Variants in TAB2 observed in about 807,000 individuals in gnomAD.
TAB2 encodes the protein TGF-beta activated kinase 1 (MAP3K7) binding protein 2, also known as TGF-beta-activated kinase 1 and MAP3K7-binding protein 2.
A neutral mutation model predicts 65.0 loss-of-function variants in TAB2; 3 were observed. That is an observed-to-expected ratio of 0.05 (90% CI 0.02 to 0.12). The LOEUF (loss-of-function observed/expected upper bound fraction) is 0.12, where lower values mean the gene tolerates loss of function less well. Ranked by LOEUF, TAB2 falls within the 10% of genes least tolerant of loss-of-function variation. The probability of loss-of-function intolerance (pLI) is 1.00; values close to 1 mark genes in which losing one functional copy is unlikely to be tolerated. For missense variants in TAB2, 623 were observed against 840.3 expected (o/e 0.74, Z 3.20); for synonymous variants, 298 against 285.1 (o/e 1.05, Z -0.46).
At position 149,325,690 on chromosome 6, in the gene TAB2, A is replaced by G. The variant is rs1007374701; in HGVS notation, c.-90+7675A>G. Among the ~76,000 whole-genome samples the G allele has an allele frequency of 1.6e-4, 25 of 152,216 alleles. 1 individual carries two copies. The highest frequency in any genetic ancestry group is 6.0e-4 in the African/African-American group (25 of 41,454). ...CCTCAAATATGAGGTTTAATATAAT[A>G]CTACAAAACTTGTGCCACTTTATCT... On this transcript the variant is annotated intron_variant, in intron 1 of 6. Transcript: ENST00000637181.
chr6:149,221,810 G>C (rs1777155302), intron 1 of TAB2, among the ~76,000 whole-genome samples: 1 of 152,170 alleles, frequency 6.6e-6, no homozygotes, highest in South Asian at 2.1e-4. Flanking sequence ...CTGAGCCCAG[G>C]TCTGATGTTG....
intron 6 of TAB2, among the ~76,000 whole-genome samples, chr6:149,405,125 A>G (rs1311926540): frequency 1.3e-5 from 2 of 152,256 alleles, no homozygotes; most frequent in Non-Finnish European, 2.9e-5. Flanking sequence ...ACATTTCTCA[A>G]AAGAAAGTAT....
At chr6:149,364,018 A>G (rs1246191689) in intron 1 of TAB2, among the ~76,000 whole-genome samples, 2 of 152,064 alleles carry the variant, frequency 1.3e-5, no homozygotes, top group Non-Finnish European at 2.9e-5. Flanking sequence ...CTAATTCATC[A>G]CCAAATTTCT....
At chr6:149,352,968 C>T (rs1348935155) in intron 1 of TAB2, among the ~76,000 whole-genome samples, 1 of 152,160 alleles carries the variant, frequency 6.6e-6, no homozygotes, top group African/African-American at 2.4e-5. Flanking sequence ...GGTTTTGGCA[C>T]CTTTTTTCCC....
intron 1 of TAB2, among the ~76,000 whole-genome samples, chr6:149,341,904 A>C (rs1780141881): frequency 3.9e-5 from 6 of 152,244 alleles, no homozygotes; most frequent in Admixed American, 3.9e-4. Flanking sequence ...GTACCAGCCT[A>C]CCAAGCATAA....
chr6:149,340,097 C>T (rs1583103125), intron 1 of TAB2, among the ~76,000 whole-genome samples: 1 of 152,104 alleles, frequency 6.6e-6, no homozygotes, highest in Non-Finnish European at 1.5e-5. Flanking sequence ...CTCCTTTCAA[C>T]ATCAAATCTA....
chr6:149,332,750 A>G (rs924257585), intron 1 of TAB2, among the ~76,000 whole-genome samples: 3 of 152,194 alleles, frequency 2.0e-5, no homozygotes, highest in African/African-American at 7.2e-5. Flanking sequence ...GGAATGTAAA[A>G]TAGCTGGCAA....
chr6:149,316,978 G>C (rs1264884654), upstream of TAB2, among the ~76,000 whole-genome samples: 2 of 151,330 alleles, frequency 1.3e-5, no homozygotes, highest in Admixed American at 1.3e-4. Flanking sequence ...GGACCGCAGC[G>C]ACCCGGCGCC....
At chr6:149,253,145 A>G (rs966657712) in intron 1 of TAB2, 4 of 152,288 alleles carry the variant, frequency 2.6e-5, no homozygotes, top group African/African-American at 7.2e-5. Flanking sequence ...TAATCCTGGT[A>G]ATCCTGTTCC....
chr6:149,317,550 G>A (rs1779290218), upstream of TAB2: 2 of 153,356 alleles, frequency 1.3e-5, no homozygotes, highest in African/African-American at 4.9e-5. The surrounding 1 kb of genome is among the most constrained non-coding windows in gnomAD (Gnocchi z 4.7). Flanking sequence ...TTGTGTGACA[G>A]TATTTTGATT....
At chr6:149,357,466 C>CAT (rs1474632048) in intron 1 of TAB2, among the ~76,000 whole-genome samples, 3 of 148,206 alleles carry the variant, frequency 2.0e-5, no homozygotes, top group Non-Finnish European at 4.5e-5. Context: ...CACACACACA[C>CAT]ATTTTAGCCT....
chr6:149,403,283 TACACACACAC>T (rs1165709961), intron 6 of TAB2, among the ~76,000 whole-genome samples: 4 of 24,586 alleles, frequency 1.6e-4, no homozygotes, highest in African/African-American at 7.7e-4. Flanking sequence ...TATATATATA[TACACACACAC>T]ACATATATAT....
intron 1 of TAB2, among the ~76,000 whole-genome samples, chr6:149,366,135 T>A (rs2114846581): frequency 6.6e-6 from 1 of 152,300 alleles, no homozygotes; most frequent in East Asian, 1.9e-4. Flanking sequence ...AGTTTTTTTC[T>A]GTTTATGTGT....
chr6:149,343,381 G>C (rs993057798), intron 1 of TAB2, among the ~76,000 whole-genome samples: 22 of 151,294 alleles, frequency 1.5e-4, no homozygotes, highest in Admixed American at 1.1e-3. Context: ...TGAAGCACGA[G>C]AATCACTTGA....
intron 6 of TAB2, among the ~76,000 whole-genome samples, chr6:149,403,289 CACACACATATAT>C (rs1782530086): frequency 3.1e-5 from 1 of 32,520 alleles, no homozygotes; most frequent in African/African-American, 1.3e-4. Flanking sequence ...TATATACACA[CACACACATATAT>C]ATATATATAT....
At chr6:149,227,576 T>C (rs552053239) in intron 1 of TAB2, among the ~76,000 whole-genome samples, 185 of 152,290 alleles carry the variant, frequency 1.2e-3, no homozygotes, top group African/African-American at 4.4e-3. Context: ...TGGTTTCCTA[T>C]GTGATGTCAC....
intron 1 of TAB2, among the ~76,000 whole-genome samples, chr6:149,241,333 GT>G (rs1383222811): frequency 6.6e-6 from 1 of 152,002 alleles, no homozygotes. Context: ...CCATTTTTTT[GT>G]TGTTTTCTAA....
At chr6:149,253,514 C>T (rs1217982735) in intron 1 of TAB2, among the ~76,000 whole-genome samples, 1 of 150,534 alleles carries the variant, frequency 6.6e-6, no homozygotes, top group Non-Finnish European at 1.5e-5. Context: ...GCCTGTAATC[C>T]CAGCTACTCG....
At chr6:149,267,734 G>C (rs1778289497) in intron 1 of TAB2, among the ~76,000 whole-genome samples, 1 of 151,942 alleles carries the variant, frequency 6.6e-6, no homozygotes, top group Admixed American at 6.6e-5. Context: ...ACACACCCAG[G>C]CTATATCGTA....
Sources: allele counts gnomAD v4.1 joint callset (sites outside exome capture counted in the v4.1 genomes callset), GRCh38; gene constraint gnomAD v4.1.1; non-coding constraint Gnocchi (gnomAD v3.1); transcripts MANE v1.5; gene names NCBI Gene and HGNC (gene_info 2026-07-23, HGNC 2026-07-21).